Variants in DOCK10 observed in about 807,000 individuals in gnomAD.
DOCK10 encodes the protein dedicator of cytokinesis protein 10.
Under a neutral mutation model 280.1 loss-of-function variants are expected in DOCK10, and 145 were observed. The observed-to-expected ratio is 0.52, with a 90% CI of 0.45 to 0.59. DOCK10 has a LOEUF of 0.59. Ranked by LOEUF, DOCK10 falls within the 20% of genes least tolerant of loss-of-function variation. DOCK10 has a pLI of 0.00. For synonymous variants in DOCK10, 915 were observed against 942.2 expected (o/e 0.97, Z 0.53); for missense variants, 2,368 against 2,651.7 (o/e 0.89, Z 2.35).
intron 55 of DOCK10, among the ~76,000 whole-genome samples, chr2:224,767,019 C>A (rs551256614): frequency 1.4e-4 from 22 of 152,306 alleles, no homozygotes; most frequent in African/African-American, 5.1e-4. Context: ...TTTCTAGACA[C>A]TTTTGGAGTG....
At chr2:224,783,273 A>ATTTTT (rs10713926) in intron 50 of DOCK10, among the ~76,000 whole-genome samples, 6 of 143,998 alleles carry the variant, frequency 4.2e-5, no homozygotes, top group Non-Finnish European at 6.1e-5. Flanking sequence ...TCAGACTGGA[A>ATTTTT]TTTTTTTTTT....
At chr2:224,783,116 T>C (rs1691470915) in intron 50 of DOCK10, among the ~76,000 whole-genome samples, 1 of 152,162 alleles carries the variant, frequency 6.6e-6, no homozygotes, top group Non-Finnish European at 1.5e-5. Context: ...ATCTGAGCAA[T>C]GATGAATGAG....
Position 225,001,743 on chromosome 2 carries a change from T to C in DOCK10, c.123+40509A>G, listed in dbSNP as rs993590014. On this transcript the variant is annotated intron_variant, in intron 1 of 55. Coordinates refer to ENST00000258390, the MANE Select transcript of DOCK10 (RefSeq NM_014689.3). ...CACAGTTCTGGAGGCAGGAAGTCCATGATCGAGGCGTCGGCAGGTGTGGTG... is the reference window on the plus strand; with the variant it reads ...CACAGTTCTGGAGGCAGGAAGTCCACGATCGAGGCGTCGGCAGGTGTGGTG... 8.5e-5 allele frequency among the ~76,000 whole-genome samples: 13 copies of C among 152,212 alleles called. 1 individual carries two copies. Among genetic ancestry groups the C allele is most frequent in the Admixed American group, 7.2e-4 (11 of 15,286 alleles).
At chr2:224,909,704 G>C (rs1352911237) in intron 3 of DOCK10, among the ~76,000 whole-genome samples, 1 of 151,998 alleles carries the variant, frequency 6.6e-6, no homozygotes, top group Admixed American at 6.6e-5. Context: ...TGCAAAATGA[G>C]GTAGTAATAC....
intron 1 of DOCK10, among the ~76,000 whole-genome samples, chr2:225,037,303 A>G (rs1575179605): frequency 6.6e-6 from 1 of 152,206 alleles, no homozygotes; most frequent in Non-Finnish European, 1.5e-5. Flanking sequence ...AATTAAGGGT[A>G]CCTGGAGCAG....
At position 224,886,539 on chromosome 2, in the gene DOCK10, TAA is replaced by T. The variant is rs71734299; in HGVS notation, c.417-10_417-9del. 7,538 of 1,352,128 alleles carry T rather than the reference TAA, an allele frequency of 5.6e-3. No homozygotes were observed. The highest frequency in any genetic ancestry group is 0.013 in the African/African-American group (862 of 66,776). 83.8% of individuals were successfully genotyped at this position (1,352,128 alleles called of 1,614,324 possible). On this transcript the variant is annotated splice_polypyrimidine_tract_variant and intron_variant, in intron 4 of 55. Coordinates refer to ENST00000258390, the MANE Select transcript of DOCK10 (RefSeq NM_014689.3). ...TCTGGTTTGTATTCTGCTCTGATAT[TAA>T]AAAAAAAAAAAGATTCTGATTTGTC...
Position 224,885,795 on chromosome 2 carries a change from T to C in DOCK10, c.623A>G (p.Lys208Arg). Reference protein sequence around the residue: ...NNTVTVRSFKKRYFQLTQLPD... With the variant: ...NNTVTVRSFKRRYFQLTQLPD... The stretch of plus-strand genomic sequence containing the variant: ...TAACTGAGTCAGCTGGAAGTAGCGC[T>C]TTTTGAATGACTAAATAAAGGAAAA... The change falls in exon 7 of 56, where the codon AAG (lysine) becomes AGG (arginine). Residue 208 changes from lysine to arginine, a missense_variant. Lys to Arg is a conservative substitution (Grantham distance 26, BLOSUM62 2). Coordinates refer to ENST00000258390, the MANE Select transcript of DOCK10 (RefSeq NM_014689.3). The C allele has an allele frequency of 2.5e-6, 4 of 1,612,564 alleles. No individual in the cohort carries two copies. The highest frequency in any genetic ancestry group is 2.5e-6 in the Non-Finnish European group (3 of 1,179,546).
intron 2 of DOCK10, among the ~76,000 whole-genome samples, chr2:224,921,870 C>A (rs752820456): frequency 6.6e-6 from 1 of 151,954 alleles, no homozygotes; most frequent in African/African-American, 2.4e-5. Context: ...GAGGCTGAGG[C>A]GGGTGGATCA....
chr2:225,014,081 A>ATATATATTTTTTTTTT (rs776104946), intron 1 of DOCK10, among the ~76,000 whole-genome samples: 1 of 96,800 alleles, frequency 1.0e-5, no homozygotes, highest in Non-Finnish European at 1.9e-5. Context: ...GTCTGAATAT[A>ATATATATTTTTTTTTT]TTGTTTTTTT....
intron 16 of DOCK10, among the ~76,000 whole-genome samples, chr2:224,853,852 G>T (rs144707961): frequency 1.3e-5 from 2 of 152,176 alleles, no homozygotes; most frequent in Non-Finnish European, 1.5e-5. Context: ...AAAATGATTA[G>T]CTACGAATGC....
chr2:224,788,626 T>C (rs1027707968), intron 48 of DOCK10, among the ~76,000 whole-genome samples: 1 of 152,162 alleles, frequency 6.6e-6, no homozygotes, highest in Non-Finnish European at 1.5e-5. Flanking sequence ...TAATTCTCAG[T>C]AGAAAGTTTC....
chr2:225,020,493 T>C (rs1689756929), intron 1 of DOCK10, among the ~76,000 whole-genome samples: 2 of 152,206 alleles, frequency 1.3e-5, no homozygotes, highest in Non-Finnish European at 2.9e-5. Context: ...TTGTGTATTA[T>C]GATTGTTCTC....
At chr2:224,812,884 T>C (rs1693878417) in intron 31 of DOCK10, among the ~76,000 whole-genome samples, 1 of 152,108 alleles carries the variant, frequency 6.6e-6, no homozygotes, top group Non-Finnish European at 1.5e-5. Flanking sequence ...CTGGATTCGG[T>C]TTGCCAGTAT....
chr2:224,987,337 C>A (rs1706001490), intron 1 of DOCK10, among the ~76,000 whole-genome samples: 1 of 152,158 alleles, frequency 6.6e-6, no homozygotes, highest in Admixed American at 6.5e-5. Context: ...AGATGGCAGC[C>A]ATTGCTCACA....
chr2:224,898,169 C>G (rs1444683485), intron 3 of DOCK10, among the ~76,000 whole-genome samples: 1 of 152,074 alleles, frequency 6.6e-6, no homozygotes, highest in Non-Finnish European at 1.5e-5. Flanking sequence ...GAAAGGTGGA[C>G]GGAGAACACA....
At chr2:224,856,747 T>C (rs1697172054) in intron 15 of DOCK10, 113 bp downstream of exon 15, 2 of 1,002,414 alleles carry the variant, frequency 2.0e-6, no homozygotes, top group Non-Finnish European at 2.8e-6. Context: ...CTGAAAAATA[T>C]CTGCTTTCTG....
chr2:224,918,242 T>A (rs1701445771), intron 2 of DOCK10, among the ~76,000 whole-genome samples: 1 of 152,202 alleles, frequency 6.6e-6, no homozygotes, highest in Middle Eastern at 3.2e-3. Context: ...GTTGGATACC[T>A]AAATGATTCT....
intron 1 of DOCK10, among the ~76,000 whole-genome samples, chr2:225,016,350 A>T (rs990868671): frequency 1.3e-5 from 2 of 151,904 alleles, no homozygotes; most frequent in Admixed American, 6.6e-5. Flanking sequence ...ATGTATTGTA[A>T]TTGGTATTTG....
chr2:224,937,144 A>G (rs962282310), intron 1 of DOCK10, among the ~76,000 whole-genome samples: 1 of 152,194 alleles, frequency 6.6e-6, no homozygotes, highest in Non-Finnish European at 1.5e-5. Flanking sequence ...AACATCTGGT[A>G]ACTTACTTAA....
Sources: gnomAD v4.1 joint callset for allele counts (sites outside exome capture counted in the v4.1 genomes callset) on GRCh38, gnomAD v4.1.1 for gene constraint, MANE v1.5 for transcripts, NCBI Gene and HGNC (gene_info 2026-07-23, HGNC 2026-07-21) for gene names.